The following KLHL28 variants were observed in gnomAD, a reference collection of about 807,000 sequenced individuals.
KLHL28 encodes kelch like family member 28.
KLHL28 carries 22 observed loss-of-function variants against 48.3 expected under a neutral mutation model. The ratio of observed to expected loss-of-function variants is 0.46; its 90% confidence interval spans 0.33 to 0.65. KLHL28 has a LOEUF of 0.65. Ranked by LOEUF, KLHL28 falls within the 30% of genes least tolerant of loss-of-function variation. The probability of loss-of-function intolerance (pLI) is 0.03; values close to 1 mark genes in which losing one functional copy is unlikely to be tolerated. For missense variants in KLHL28, 527 were observed against 704.3 expected (o/e 0.75, Z 2.85); for synonymous variants, 243 against 242.4 (o/e 1.00, Z -0.02).
rs957260282 is a variant in KLHL28 at position 44,929,049 on chromosome 14, G to A, written c.1695C>T (p.Asn565=). 1 of 1,613,840 alleles carries A rather than the reference G, an allele frequency of 6.2e-7. No individual in the cohort carries two copies. Among genetic ancestry groups the A allele is most frequent in the African/African-American group, 1.3e-5 (1 of 74,970 alleles). The change falls in exon 5 of 5, where the codon AAC becomes AAT. Residue 565 remains asparagine, a synonymous_variant. Transcript: ENST00000396128. ...DSAGMIYCRC[N]FGLTAL Reference sequence around the variant, plus strand: ...TTTGTCAAAGTGCAGTTAACCCAAAGTTGCAGCGACAGTATATCATGCCAG... The same window carrying A: ...TTTGTCAAAGTGCAGTTAACCCAAAATTGCAGCGACAGTATATCATGCCAG...
Position 44,925,537 on chromosome 14 carries a change from T to TA in KLHL28, c.*3490dup, listed in dbSNP as rs1594559819. On this transcript the variant is annotated 3_prime_UTR_variant, in exon 5 of 5. Coordinates refer to ENST00000396128, the MANE Select transcript of KLHL28 (RefSeq NM_017658.5). ...TCTTACGATGTCAGAGATAAGGAAT[T>TA]AGATTCATCCTTCACCAAAATAGTT... 6.6e-6 allele frequency: 1 copy of TA among 152,132 alleles called. No individual in the cohort carries two copies. The highest frequency in any genetic ancestry group is 1.9e-4 in the East Asian group (1 of 5,202). The allele number at this position is 152,132 out of a possible 1,614,324, so 9.4% of individuals were successfully genotyped here.
chr14:44,928,714 G>T lies in KLHL28; in HGVS notation c.*314C>A. Reference sequence around the variant, plus strand: ...AAAAAAAAAAAAAAAAAGCAGCCACGTTTTGTCTACATGTACACTTATGAA... The same window carrying T: ...AAAAAAAAAAAAAAAAAGCAGCCACTTTTTGTCTACATGTACACTTATGAA... On this transcript the variant is annotated 3_prime_UTR_variant, in exon 5 of 5. Coordinates refer to ENST00000396128, the MANE Select transcript of KLHL28 (RefSeq NM_017658.5). 1 of 153,926 alleles carries T rather than the reference G, an allele frequency of 6.5e-6. No individual in the cohort carries two copies. Among genetic ancestry groups the T allele is most frequent in the Non-Finnish European group, 1.4e-5 (1 of 72,328 alleles). The allele number at this position is 153,926 out of a possible 1,614,324, so 9.5% of individuals were successfully genotyped here.
intron 3 of KLHL28, among the ~76,000 whole-genome samples, 155 bp from the exon 4 acceptor site, chr14:44,931,696 G>C (rs764927134): frequency 6.6e-6 from 1 of 152,278 alleles, no homozygotes. Flanking sequence ...TTGCTGATAA[G>C]ATTGCAAAGA....
chr14:44,941,345 A>T (rs1189082462), intron 2 of KLHL28, among the ~76,000 whole-genome samples: 1 of 151,856 alleles, frequency 6.6e-6, no homozygotes, highest in East Asian at 1.9e-4. Context: ...GAAATTACCC[A>T]CCAAGGCCAG....
At chr14:44,931,226 T>A in intron 4 of KLHL28, 107 bp downstream of exon 4, 1 of 564,792 alleles carries the variant, frequency 1.8e-6, no homozygotes, top group Non-Finnish European at 2.9e-6. Context: ...TTTTTTTTTC[T>A]GGACAAGTAA....
In KLHL28 at chr14:44,928,454, CCATTTAG is replaced by C. The variant is rs1041377993; in HGVS notation, c.*567_*573del. ...ATTTATTACATCCGTAGCCCTAAAA[CCATTTAG>C]CAGGAAAGTATTCAGATGACTACCT... is the stretch of plus-strand genomic sequence containing the variant. On this transcript the variant is annotated 3_prime_UTR_variant, in exon 5 of 5. Coordinates refer to ENST00000396128, the MANE Select transcript of KLHL28 (RefSeq NM_017658.5). 6.6e-6 allele frequency: 1 copy of C among 152,038 alleles called. No individual in the cohort carries two copies. Among genetic ancestry groups the C allele is most frequent in the African/African-American group, 2.4e-5 (1 of 41,390 alleles). The allele number at this position is 152,038 out of a possible 1,614,324, so 9.4% of individuals were successfully genotyped here. A position where few individuals can be genotyped will look rare whatever the true frequency, so the allele number is the denominator to read the frequency against.
chr14:44,943,901 G>C (rs961528394), intron 2 of KLHL28, among the ~76,000 whole-genome samples: 3 of 151,830 alleles, frequency 2.0e-5, no homozygotes, highest in African/African-American at 7.3e-5. Context: ...TTTTTTGTAA[G>C]GACAGGATCT....
rs1210205879 is a variant in KLHL28, at chr14:44,945,184, T to C, written c.745A>G (p.Thr249Ala). 1 of 1,614,178 alleles carries C rather than the reference T, an allele frequency of 6.2e-7. No homozygotes were observed. Residue 249 changes from threonine to alanine, a missense_variant, in exon 2 of 5, where the codon ACT becomes GCT. By Grantham distance (58) the Thr-to-Ala change is moderately conservative. Transcript: ENST00000396128. ...EANHLIRDDRTCKHLLNEALK... is the reference protein window; with the variant it reads ...EANHLIRDDRACKHLLNEALK... ...GCTTCATTCAAAAGATGTTTACAAG[T>C]GCGATCATCACGAATAAGATGATTT... is the stretch of plus-strand genomic sequence containing the variant.
chr14:44,937,340 G>C (rs918032836), intron 2 of KLHL28, among the ~76,000 whole-genome samples: 1 of 151,734 alleles, frequency 6.6e-6, no homozygotes, highest in Admixed American at 6.6e-5. Flanking sequence ...GTAGAGACAG[G>C]GTTTCACTAT....
At position 44,924,991 on chromosome 14, in the gene KLHL28, A is replaced by G. The variant is rs1238223800; in HGVS notation, c.*4037T>C. On this transcript the variant is annotated 3_prime_UTR_variant, in exon 5 of 5. Coordinates refer to ENST00000396128, the MANE Select transcript of KLHL28 (RefSeq NM_017658.5). ...TCAAATGTGTATCAACACCAAATCA[A>G]TGTACTGTAAGTGAAAATCCAGTAC... The G allele has an allele frequency of 1.3e-5, 2 of 152,606 alleles. No individual in the cohort carries two copies. Among genetic ancestry groups the G allele is most frequent in the Non-Finnish European group, 2.9e-5 (2 of 67,980 alleles). The allele number at this position is 152,606 out of a possible 1,614,324, so 9.5% of individuals were successfully genotyped here.
chr14:44,929,595 C>G (rs1883499046), intron 4 of KLHL28, among the ~76,000 whole-genome samples: 1 of 152,140 alleles, frequency 6.6e-6, no homozygotes, highest in South Asian at 2.1e-4. Flanking sequence ...TTGGTACTAT[C>G]TGCAGTTTCA....
In KLHL28 at chr14:44,927,822, TTC is replaced by T. The variant is rs1883425878; in HGVS notation, c.*1204_*1205del. The T allele has an allele frequency of 6.6e-6, 1 of 152,624 alleles. No individual in the cohort carries two copies. Among genetic ancestry groups the T allele is most frequent in the Admixed American group, 6.5e-5 (1 of 15,286 alleles). The allele number at this position is 152,624 out of a possible 1,614,324, so 9.5% of individuals were successfully genotyped here. A position where few individuals can be genotyped will look rare whatever the true frequency, so the allele number is the denominator to read the frequency against. ...AGTGCTTTATATTTAATGCATATAT[TTC>T]TGTTTTTAAGAAAGACATGTAATAT... On this transcript the variant is annotated 3_prime_UTR_variant, in exon 5 of 5. Transcript: ENST00000396128.
At chr14:44,939,111 G>A (rs146776860) in intron 2 of KLHL28, among the ~76,000 whole-genome samples, 1 of 152,318 alleles carries the variant, frequency 6.6e-6, no homozygotes, top group Non-Finnish European at 1.5e-5. Context: ...GCCTTCTAGA[G>A]TAGCAGCCTG....
rs1483846689 is a variant in KLHL28 at position 44,945,521 on chromosome 14, A to G, written c.408T>C (p.Asn136=). Residue 136 remains asparagine (N), a synonymous_variant, in exon 2 of 5, where the codon AAT becomes AAC. Coordinates refer to ENST00000396128, the MANE Select transcript of KLHL28 (RefSeq NM_017658.5). ...CTGCAAAACGAGAAATTCCAATACA[A>G]TTACCAGGATCAAGTTGGCTTTCAA... The part of the protein sequence containing the change: ...AFLESQLDPG[N]CIGISRFAET... The G allele has an allele frequency of 1.2e-6, 2 of 1,614,242 alleles. No homozygotes were observed.
chr14:44,959,635 A>C (rs935573245), intron 1 of KLHL28: 6 of 152,174 alleles, frequency 3.9e-5, no homozygotes, highest in African/African-American at 1.4e-4. Context: ...CCTTAAGTTC[A>C]GCTAAAAAAA....
intron 2 of KLHL28, among the ~76,000 whole-genome samples, chr14:44,939,285 A>G (rs182946968): frequency 1.3e-5 from 2 of 152,298 alleles, no homozygotes; most frequent in Admixed American, 6.5e-5. Flanking sequence ...AACGGGAGGT[A>G]CAGCCTCAAA....
At chr14:44,957,329 CAG>C (rs1884835823) in intron 1 of KLHL28, among the ~76,000 whole-genome samples, 2 of 152,042 alleles carry the variant, frequency 1.3e-5, no homozygotes, top group Non-Finnish European at 2.9e-5. Context: ...TCTTAAAAAA[CAG>C]AAAATATAAG....
intron 1 of KLHL28, among the ~76,000 whole-genome samples, chr14:44,950,239 C>T (rs1013485098): frequency 2.6e-5 from 4 of 152,078 alleles, no homozygotes; most frequent in African/African-American, 7.2e-5. Context: ...GTAAATTCTT[C>T]GAGTTGTCCC....
chr14:44,945,573 A>G lies in KLHL28; in HGVS notation c.356T>C (p.Leu119Pro), dbSNP rs563398512. 70 of 1,614,168 alleles carry G rather than the reference A, an allele frequency of 4.3e-5. No homozygotes were observed. In the South Asian group the frequency reaches 7.4e-4, roughly 17 times the overall value. Residue 119 changes from leucine to proline, a missense_variant, in exon 2 of 5, where the codon CTT becomes CCT. Transcript: ENST00000396128. ...LPAANLLQIKLVLKECCAFLE... is the reference protein window; with the variant it reads ...LPAANLLQIKPVLKECCAFLE... ...AAATGCACAACATTCTTTCAGGACA[A>G]GTTTTATCTGGAGTAGGTTTGCTGC...
Sources: allele counts gnomAD v4.1 joint callset (sites outside exome capture counted in the v4.1 genomes callset), GRCh38; gene constraint gnomAD v4.1.1; transcripts MANE v1.5; gene names NCBI Gene and HGNC (gene_info 2026-07-23, HGNC 2026-07-21).